AGBL4: variants seen among roughly 807,000 people sequenced by gnomAD.
AGBL4 encodes the protein AGBL carboxypeptidase 4.
Under a neutral mutation model 66.4 loss-of-function variants are expected in AGBL4, and 58 were observed. That is an observed-to-expected ratio of 0.87 (90% confidence interval 0.71 to 1.09). The LOEUF is 1.09. Ranked by LOEUF, AGBL4 falls within the 50% of genes least tolerant of loss-of-function variation. AGBL4 has a pLI of 0.00. For missense variants in AGBL4, 579 were observed against 631.0 expected (o/e 0.92, Z 0.88); for synonymous variants, 234 against 222.9 (o/e 1.05, Z -0.44).
At chr1:48,661,571 G>A (rs371845411) in intron 7 of AGBL4, among the ~76,000 whole-genome samples, 1 of 152,202 alleles carries the variant, frequency 6.6e-6, no homozygotes, top group Non-Finnish European at 1.5e-5. Flanking sequence ...CCTACAGAAC[G>A]CCATTGAGTG....
intron 2 of AGBL4, among the ~76,000 whole-genome samples, chr1:49,734,261 A>G (rs1558202297): frequency 6.6e-6 from 1 of 151,900 alleles, no homozygotes; most frequent in Non-Finnish European, 1.5e-5. Flanking sequence ...GGAGGTTATA[A>G]CTAGTGCCAT....
intron 3 of AGBL4, among the ~76,000 whole-genome samples, chr1:49,496,776 A>T (rs375921300): frequency 7.5e-5 from 11 of 146,386 alleles, no homozygotes; most frequent in African/African-American, 2.8e-4. Context: ...ATCGGCTGAT[A>T]GATACTTATG....
intron 3 of AGBL4, among the ~76,000 whole-genome samples, chr1:49,621,942 T>A (rs956820148): frequency 1.3e-5 from 2 of 152,176 alleles, no homozygotes; most frequent in Non-Finnish European, 2.9e-5. Flanking sequence ...ATACTCTTTC[T>A]CCATCTGTCA....
chr1:49,975,376 C>T (rs180787825), intron 1 of AGBL4, among the ~76,000 whole-genome samples: 1 of 152,296 alleles, frequency 6.6e-6, no homozygotes, highest in Admixed American at 6.5e-5. Context: ...AAGTTTACCA[C>T]TTTGCATAAA....
At chr1:49,492,163 T>C (rs1647200147) in intron 3 of AGBL4, among the ~76,000 whole-genome samples, 1 of 151,890 alleles carries the variant, frequency 6.6e-6, no homozygotes, top group Non-Finnish European at 1.5e-5. Flanking sequence ...ATTAGGCTAT[T>C]ATTGACCTTC....
chr1:49,592,909 ATTGT>A (rs2124094916), intron 3 of AGBL4, among the ~76,000 whole-genome samples: 1 of 152,318 alleles, frequency 6.6e-6, no homozygotes, highest in Admixed American at 6.5e-5. Flanking sequence ...AGAGATATAA[ATTGT>A]TTAACTAGCA....
chr1:49,329,162 C>G (rs1645280842), intron 3 of AGBL4, among the ~76,000 whole-genome samples: 1 of 149,832 alleles, frequency 6.7e-6, no homozygotes, highest in Non-Finnish European at 1.5e-5. Context: ...CAAAAATTAG[C>G]CAGGCATGGT....
intron 6 of AGBL4, among the ~76,000 whole-genome samples, chr1:48,756,343 A>G (rs1643923748): frequency 6.6e-6 from 1 of 152,094 alleles, no homozygotes; most frequent in South Asian, 2.1e-4. Context: ...ACAGTCCTCT[A>G]TGGTTTTGTC....
chr1:49,360,605 C>T (rs182145446), intron 3 of AGBL4, among the ~76,000 whole-genome samples: 12 of 152,098 alleles, frequency 7.9e-5, no homozygotes, highest in Non-Finnish European at 1.2e-4. Context: ...ATGAACAAGA[C>T]GACAACTACC....
intron 2 of AGBL4, among the ~76,000 whole-genome samples, chr1:49,798,053 T>G (rs1233790864): frequency 6.6e-6 from 1 of 152,076 alleles, no homozygotes; most frequent in Non-Finnish European, 1.5e-5. Context: ...CCCGGCCAAT[T>G]ATCATTTTTA....
chr1:49,048,780 T>TA (rs887137664), intron 4 of AGBL4, among the ~76,000 whole-genome samples: 11 of 148,498 alleles, frequency 7.4e-5, no homozygotes, highest in Non-Finnish European at 1.0e-4. Context: ...TTTACATAGA[T>TA]AAAAAAATTT....
At chr1:49,530,274 A>AAAAAAAAAAAAAAAAAAAAAAAAAAAAAC (rs1553221141) in intron 3 of AGBL4, among the ~76,000 whole-genome samples, 2 of 134,824 alleles carry the variant, frequency 1.5e-5, no homozygotes, top group African/African-American at 6.5e-5. Flanking sequence ...AAAAAAAAAC[A>AAAAAAAAAAAAAAAAAAAAAAAAAAAAAC]AAAAAAAACT....
intron 6 of AGBL4, among the ~76,000 whole-genome samples, chr1:48,729,776 G>T (rs1396464044): frequency 6.8e-6 from 1 of 147,646 alleles, no homozygotes; most frequent in East Asian, 1.9e-4. Context: ...TTTCCACCGA[G>T]AAGGGTTTTG....
At chr1:49,183,212 G>A (rs115567803) in intron 4 of AGBL4, among the ~76,000 whole-genome samples, 195 of 152,164 alleles carry the variant, frequency 1.3e-3, no homozygotes, top group African/African-American at 4.1e-3. Context: ...TATCCCAGAC[G>A]GAATTCGAGG....
At chr1:49,630,108 A>G (rs1033980422) in intron 3 of AGBL4, among the ~76,000 whole-genome samples, 3 of 152,118 alleles carry the variant, frequency 2.0e-5, no homozygotes, top group African/African-American at 7.2e-5. Context: ...CAGCTGGTCT[A>G]TATTACTTCA....
rs1468664837 is a variant in AGBL4 at position 48,653,450 on chromosome 1, C to A, written c.726G>T (p.Gly242=). ...GCTGGCTTACAAGGAAGTCAATGAT[C>A]CCTAGGGAAAGAGAAGAGCCCGGTT... ...GETPSSFVCQ[G]IIDFLVSQHP... The change falls in exon 8 of 14, where the codon GGG becomes GGT. Residue 242 remains glycine (G), a splice_region_variant and synonymous_variant. Transcript: ENST00000371839. 2.6e-6 allele frequency: 4 copies of A among 1,566,124 alleles called. No homozygotes were observed. Among genetic ancestry groups the A allele is most frequent in the Admixed American group, 1.9e-5 (1 of 53,008 alleles).
At chr1:49,212,919 T>A (rs1157909680) in intron 4 of AGBL4, among the ~76,000 whole-genome samples, 1 of 152,170 alleles carries the variant, frequency 6.6e-6, no homozygotes, top group African/African-American at 2.4e-5. Context: ...ACTCCATTTT[T>A]AAAACAAGTA....
intron 4 of AGBL4, among the ~76,000 whole-genome samples, chr1:49,090,150 G>A (rs1644977095): frequency 6.6e-6 from 1 of 152,038 alleles, no homozygotes; most frequent in African/African-American, 2.4e-5. Context: ...GGTAAAAGCT[G>A]GAAGCATTCT....
chr1:49,973,206 T>C (rs1013519127), intron 1 of AGBL4, among the ~76,000 whole-genome samples: 4 of 152,160 alleles, frequency 2.6e-5, no homozygotes, highest in African/African-American at 9.7e-5. Flanking sequence ...ACTCACCCCT[T>C]GCCTGCAACC....
Sources: allele counts gnomAD v4.1 joint callset (sites outside exome capture counted in the v4.1 genomes callset), GRCh38; gene constraint gnomAD v4.1.1; transcripts MANE v1.5; gene names NCBI Gene and HGNC (gene_info 2026-07-23, HGNC 2026-07-21).